The following SBF2 variants were observed in gnomAD, a reference collection of about 807,000 sequenced individuals.
The protein encoded by SBF2 is myotubularin-related protein 13.
A neutral mutation model predicts 225.2 loss-of-function variants in SBF2; 112 were observed. That is an observed-to-expected ratio of 0.50 (90% confidence interval 0.43 to 0.58). SBF2 has a LOEUF of 0.58. Ranked by LOEUF, SBF2 falls within the 20% of genes least tolerant of loss-of-function variation. SBF2 has a pLI of 0.00. For synonymous variants in SBF2, 763 were observed against 773.3 expected, an observed-to-expected ratio of 0.99 and a Z score of 0.22; for missense variants, 1,996 against 2,206.2, an observed-to-expected ratio of 0.90 and a Z score of 1.91.
chr11:10,056,064 A>G (rs1950248495), intron 2 of SBF2, among the ~76,000 whole-genome samples: 1 of 152,226 alleles, frequency 6.6e-6, no homozygotes, highest in South Asian at 2.1e-4. Context: ...CAAACTAATT[A>G]TAAGTTTAAA....
intron 13 of SBF2, among the ~76,000 whole-genome samples, chr11:9,981,718 GA>G (rs60283678): frequency 0.7 from 105,931 of 151,420 alleles, 37,329 homozygotes; most frequent in Non-Finnish European, 0.75. Context: ...TGTCTTTGCA[GA>G]AGTTATTTGC....
rs189037832 is a variant in SBF2, at chr11:10,229,244, T to G, written c.56-35257A>C. ...TACTCTTGCTAGCAGTCTATCAATT[T>G]TGTTGATCTTTTCAAAAAACCAGCT... On this transcript the variant is annotated intron_variant, in intron 1 of 39. Coordinates refer to ENST00000256190, the MANE Select transcript of SBF2 (RefSeq NM_030962.4). Among the ~76,000 whole-genome samples the G allele has an allele frequency of 8.5e-5, 13 of 152,290 alleles. No homozygotes were observed. In the East Asian group the frequency reaches 2.1e-3, roughly 25 times the overall value.
chr11:10,067,411 G>A (rs908521324), intron 2 of SBF2, among the ~76,000 whole-genome samples: 1 of 152,034 alleles, frequency 6.6e-6, no homozygotes, highest in African/African-American at 2.4e-5. Context: ...AGTAGAAGTT[G>A]TAAAACTGAG....
At chr11:9,995,139 A>G (rs1007446609) in intron 9 of SBF2, among the ~76,000 whole-genome samples, 6 of 152,222 alleles carry the variant, frequency 3.9e-5, no homozygotes, top group Admixed American at 6.5e-5. Flanking sequence ...ACAGAAGTGC[A>G]AAAATATATA....
At chr11:10,068,727 GCC>G (rs1040242685) in intron 2 of SBF2, among the ~76,000 whole-genome samples, 7 of 151,930 alleles carry the variant, frequency 4.6e-5, no homozygotes, top group South Asian at 2.1e-4. Flanking sequence ...TACCGACTCA[GCC>G]CCCGTCACCC....
chr11:10,098,932 T>C (rs1328036206), intron 2 of SBF2, among the ~76,000 whole-genome samples: 6 of 151,144 alleles, frequency 4.0e-5, no homozygotes, highest in Non-Finnish European at 5.9e-5. Flanking sequence ...AAAATATGCA[T>C]GATAGAAGTC....
intron 2 of SBF2, among the ~76,000 whole-genome samples, chr11:10,192,816 CTGCTTCT>C (rs1472794544): frequency 6.6e-6 from 1 of 152,154 alleles, no homozygotes; most frequent in African/African-American, 2.4e-5. Context: ...TTTGAAGACA[CTGCTTCT>C]ATGTGTTTAT....
chr11:10,154,967 A>G (rs936570187), intron 2 of SBF2, among the ~76,000 whole-genome samples: 1 of 152,160 alleles, frequency 6.6e-6, no homozygotes, highest in African/African-American at 2.4e-5. Flanking sequence ...AAAGTTACCC[A>G]GTTTCTGACT....
intron 2 of SBF2, among the ~76,000 whole-genome samples, chr11:10,079,579 C>T (rs1265426537): frequency 2.0e-5 from 3 of 152,138 alleles, no homozygotes; most frequent in East Asian, 1.9e-4. Context: ...ACAAACAAAG[C>T]ATTTGAGAAG....
At chr11:9,817,976 G>A (rs553056504) in intron 28 of SBF2, among the ~76,000 whole-genome samples, 2 of 151,994 alleles carry the variant, frequency 1.3e-5, no homozygotes, top group Admixed American at 6.6e-5. Flanking sequence ...ACAGAGTTTC[G>A]CTCTTGTTGC....
At chr11:10,043,245 T>A (rs1281921198) in intron 2 of SBF2, among the ~76,000 whole-genome samples, 1 of 152,208 alleles carries the variant, frequency 6.6e-6, no homozygotes, top group East Asian at 1.9e-4. Context: ...GGTAGGCCTA[T>A]GTAGGAATAC....
At position 9,785,156 on chromosome 11, in the gene SBF2, T is replaced by G. The variant is rs1411871638; in HGVS notation, c.5200A>C (p.Ser1734Arg). The G allele has an allele frequency of 1.2e-6, 2 of 1,613,506 alleles. No homozygotes were observed. The highest frequency in any genetic ancestry group is 1.7e-6 in the Non-Finnish European group (2 of 1,180,034). ...TCATCATTCTTGGATGTATACTGGC[T>G]ATAGAGCGTGGCTGCTCTTCGCTCC... ...GVERRAATLYSQYTSKNDENR... is the reference protein window; with the variant it reads ...GVERRAATLYRQYTSKNDENR... The change falls in exon 37 of 40, where the codon AGC (serine) becomes CGC (arginine). Residue 1734 changes from serine (S) to arginine (R), a missense_variant. Coordinates refer to ENST00000256190, the MANE Select transcript of SBF2 (RefSeq NM_030962.4).
At chr11:10,016,853 T>C (rs1335418458) in intron 6 of SBF2, 1 of 152,228 alleles carries the variant, frequency 6.6e-6, no homozygotes, top group Admixed American at 6.5e-5. Flanking sequence ...TATGTAGCAG[T>C]GTTTGTTGCT....
In SBF2 at chr11:9,858,286, C is replaced by A. The variant is rs1407911585; in HGVS notation, c.2040G>T (p.Gln680His). Residue 680 changes from glutamine to histidine, a missense_variant, in exon 18 of 40, where the codon CAG becomes CAT. Coordinates refer to ENST00000256190, the MANE Select transcript of SBF2 (RefSeq NM_030962.4). Reference sequence around the variant, plus strand: ...TGGCTGAGAGATAAAGGGAGCGAACCTGTTCCTGCACTGCATTGTAAAAGG... The same window carrying A: ...TGGCTGAGAGATAAAGGGAGCGAACATGTTCCTGCACTGCATTGTAAAAGG... ...ETTFYNAVQEQVRSLYLSAKE... is the reference protein window; with the variant it reads ...ETTFYNAVQEHVRSLYLSAKE... 1 of 1,614,202 alleles carries A rather than the reference C, an allele frequency of 6.2e-7. No individual in the cohort carries two copies.
intron 1 of SBF2, among the ~76,000 whole-genome samples, chr11:10,265,075 A>C (rs985795683): frequency 1.3e-5 from 2 of 152,162 alleles, no homozygotes; most frequent in African/African-American, 4.8e-5. Context: ...AGAATGATTT[A>C]TAATCCTTTG....
chr11:9,841,938 T>C (rs1439192136), intron 25 of SBF2, among the ~76,000 whole-genome samples: 2 of 152,140 alleles, frequency 1.3e-5, no homozygotes, highest in Non-Finnish European at 1.5e-5. Flanking sequence ...TTAGTAGTAG[T>C]TTTTGCAAAA....
Position 10,032,440 on chromosome 11 carries a change from T to C in SBF2, c.280-1270A>G, listed in dbSNP as rs112431664. 1.0e-2 allele frequency among the ~76,000 whole-genome samples: 1,522 copies of C among 152,292 alleles called. 10 individuals are homozygous for C. The highest frequency in any genetic ancestry group is 0.013 in the Non-Finnish European group (897 of 68,016). On this transcript the variant is annotated intron_variant, in intron 3 of 39. Coordinates refer to ENST00000256190, the MANE Select transcript of SBF2 (RefSeq NM_030962.4). ...TGCTGCTCTTTAAACACACTGGGCA[T>C]GCTCCCATCCACTGCTCTATGCGCT...
At chr11:10,193,834 T>G (rs1022802998) in intron 2 of SBF2, 68 bp downstream of exon 2, 7 of 1,032,320 alleles carry the variant, frequency 6.8e-6, no homozygotes, top group Middle Eastern at 2.0e-4. Context: ...GTAACATAAA[T>G]GTAAAAATCA....
In SBF2 at chr11:10,209,834, A is replaced by G. The variant is rs1957870140; in HGVS notation, c.56-15847T>C. Among the ~76,000 whole-genome samples, 2 of 152,118 alleles carry G rather than the reference A, an allele frequency of 1.3e-5. 1 individual carries two copies. Among genetic ancestry groups the G allele is most frequent in the Admixed American group, 1.3e-4 (2 of 15,272 alleles). ...ACAAGATAAAAGTATATTTCCTTTC[A>G]TATAAAAGATGTCTCGAAGACAACA... On this transcript the variant is annotated intron_variant, in intron 1 of 39. Transcript: ENST00000256190.
Sources: gnomAD v4.1 joint callset for allele counts (sites outside exome capture counted in the v4.1 genomes callset) on GRCh38, gnomAD v4.1.1 for gene constraint, MANE v1.5 for transcripts, NCBI Gene and HGNC (gene_info 2026-07-23, HGNC 2026-07-21) for gene names.